The following ITIH5 variants were observed in gnomAD, a reference collection of about 807,000 sequenced individuals.
ITIH5 encodes the protein inter-alpha-trypsin inhibitor heavy chain H5.
ITIH5 carries 65 observed loss-of-function variants against 77.5 expected under a neutral mutation model. The observed-to-expected ratio is 0.84, with a 90% CI of 0.69 to 1.03. ITIH5 has a LOEUF of 1.03. Ranked by LOEUF, ITIH5 falls within the 50% of genes least tolerant of loss-of-function variation. ITIH5 has a pLI of 0.00. For missense variants in ITIH5, 1,208 were observed against 1,213.1 expected (o/e 1.00, Z 0.06); for synonymous variants, 525 against 494.3 (o/e 1.06, Z -0.82).
intron 7 of ITIH5, among the ~76,000 whole-genome samples, chr10:7,594,847 C>T (rs969276804): frequency 1.3e-5 from 2 of 152,132 alleles, no homozygotes; most frequent in Non-Finnish European, 2.9e-5. Context: ...GAACACCAAG[C>T]CCCTGTGCCT....
intron 2 of ITIH5, 58 bp from the exon 3 acceptor site, chr10:7,642,148 G>T: frequency 1.5e-6 from 2 of 1,357,124 alleles, no homozygotes; most frequent in Non-Finnish European, 2.0e-6. Flanking sequence ...TTTGGTGGTA[G>T]TGGAACATCT....
rs1028132377 is a variant in ITIH5 at position 7,563,315 on chromosome 10, G to A, written c.2597C>T (p.Pro866Leu). ...CCCCTCTCCCACCTGAAGGAGCAGAGGGTGAGTGAGGTTCTGGCTGGGCCC... is the reference window on the plus strand; with the variant it reads ...CCCCTCTCCCACCTGAAGGAGCAGAAGGTGAGTGAGGTTCTGGCTGGGCCC... ...PAGPSQNLTH[P>L]LLLQVGEGPE... The change falls in exon 14 of 14, where the codon CCT becomes CTT. Residue 866 changes from proline (P) to leucine (L), a missense_variant. Pro to Leu is a moderately conservative substitution (Grantham distance 98, BLOSUM62 -3). Coordinates refer to ENST00000397146, the MANE Select transcript of ITIH5 (RefSeq NM_030569.7). The A allele has an allele frequency of 6.2e-7, 1 of 1,614,208 alleles. No homozygotes were observed. Among genetic ancestry groups the A allele is most frequent in the African/African-American group, 1.3e-5 (1 of 75,066 alleles).
At chr10:7,604,176 T>G (rs529249516) in intron 7 of ITIH5, among the ~76,000 whole-genome samples, 108 of 152,298 alleles carry the variant, frequency 7.1e-4, no homozygotes, top group Middle Eastern at 6.8e-3. Context: ...TTGGGTCCCA[T>G]GGTTATAAGG....
chr10:7,644,148 G>C (rs1197440962), intron 2 of ITIH5, among the ~76,000 whole-genome samples: 2 of 151,976 alleles, frequency 1.3e-5, no homozygotes, highest in African/African-American at 4.8e-5. Context: ...TGAGGCAGGA[G>C]AATTGCTTGA....
intron 9 of ITIH5, chr10:7,578,454 T>A (rs1327340255): frequency 1.2e-5 from 2 of 166,374 alleles, no homozygotes; most frequent in Non-Finnish European, 2.9e-5. Context: ...GAATGCCTTA[T>A]TGAATTTCAA....
chr10:7,647,050 C>T (rs1281588490), intron 2 of ITIH5, among the ~76,000 whole-genome samples: 4 of 152,196 alleles, frequency 2.6e-5, no homozygotes, highest in African/African-American at 7.2e-5. Flanking sequence ...TATCAACCTC[C>T]TTCCTTTTTA....
intron 8 of ITIH5, among the ~76,000 whole-genome samples, chr10:7,582,023 A>C (rs4749028): frequency 0.7 from 105,047 of 150,660 alleles, 38,721 homozygotes; most frequent in Non-Finnish European, 0.81. Flanking sequence ...TTACAGGCAC[A>C]CGCCACCATG....
intron 5 of ITIH5, among the ~76,000 whole-genome samples, chr10:7,628,328 T>A (rs1833620398): frequency 6.6e-6 from 1 of 152,238 alleles, no homozygotes; most frequent in South Asian, 2.1e-4. Context: ...TTTCTGTCTC[T>A]ACGGATTTGT....
At chr10:7,564,120 G>A (rs923765380) in intron 13 of ITIH5, among the ~76,000 whole-genome samples, 1 of 152,264 alleles carries the variant, frequency 6.6e-6, no homozygotes, top group African/African-American at 2.4e-5. Context: ...GCTGGGCAGG[G>A]CTGCCTCGTG....
chr10:7,574,007 T>C (rs1281366030), intron 10 of ITIH5, among the ~76,000 whole-genome samples: 2 of 152,208 alleles, frequency 1.3e-5, no homozygotes, highest in African/African-American at 4.8e-5. Flanking sequence ...GTAAATTTTA[T>C]GTTCACAACA....
chr10:7,613,723 T>C (rs1588399898), intron 7 of ITIH5, among the ~76,000 whole-genome samples: 1 of 152,312 alleles, frequency 6.6e-6, no homozygotes, highest in Admixed American at 6.5e-5. Context: ...GCTCAGCATT[T>C]GGGACCACTT....
chr10:7,569,983 A>G, intron 11 of ITIH5, 199 bp from the exon 12 acceptor site: 2 of 494,272 alleles, frequency 4.0e-6, no homozygotes, highest in Admixed American at 3.7e-5. Flanking sequence ...GTGAGTTTGC[A>G]GTAAACATTT....
At chr10:7,644,932 TATATCACATATATATATATCACAC>T (rs1229307195) in intron 2 of ITIH5, among the ~76,000 whole-genome samples, 301 of 27,492 alleles carry the variant, frequency 0.011, 10 homozygotes, top group African/African-American at 0.039. Flanking sequence ...ATCACATATA[TATATCACATATATATATATCACAC>T]ATATATATAT....
chr10:7,585,579 C>T (rs1399454343), intron 8 of ITIH5, among the ~76,000 whole-genome samples: 2 of 152,136 alleles, frequency 1.3e-5, no homozygotes, highest in Non-Finnish European at 2.9e-5. Context: ...ACCCCAAAAC[C>T]GTTTACAAAA....
chr10:7,597,352 T>C (rs1832924981), intron 7 of ITIH5, among the ~76,000 whole-genome samples: 1 of 152,122 alleles, frequency 6.6e-6, no homozygotes, highest in African/African-American at 2.4e-5. Context: ...GGCCCCGTCA[T>C]CACGCCATCT....
chr10:7,597,854 T>G (rs894465731), intron 7 of ITIH5, among the ~76,000 whole-genome samples: 15 of 152,226 alleles, frequency 9.9e-5, no homozygotes, highest in Non-Finnish European at 2.1e-4. Context: ...TTCAGTAATT[T>G]GAAGGAAGCT....
At chr10:7,644,119 T>A (rs1024909983) in intron 2 of ITIH5, among the ~76,000 whole-genome samples, 1 of 152,032 alleles carries the variant, frequency 6.6e-6, no homozygotes, top group Non-Finnish European at 1.5e-5. Context: ...ATGACTGTAG[T>A]CCTGGCTACT....
At chr10:7,569,501 G>T in intron 12 of ITIH5, 167 bp downstream of exon 12, 1 of 455,112 alleles carries the variant, frequency 2.2e-6, no homozygotes, top group Non-Finnish European at 3.9e-6. Context: ...GCAGGGAGTC[G>T]GATGCATAAG....
At chr10:7,609,638 A>G (rs1024378579) in intron 7 of ITIH5, 19 of 365,616 alleles carry the variant, frequency 5.2e-5, no homozygotes, top group East Asian at 4.4e-4. Context: ...CAGATAAGAA[A>G]CATGCTTGTT....
Sources: gnomAD v4.1 joint callset for allele counts (sites outside exome capture counted in the v4.1 genomes callset) on GRCh38, gnomAD v4.1.1 for gene constraint, MANE v1.5 for transcripts, NCBI Gene and HGNC (gene_info 2026-07-23, HGNC 2026-07-21) for gene names.